Variants in MINK1 observed in about 807,000 individuals in gnomAD.
MINK1 encodes misshapen like kinase 1, also known as misshapen-like kinase 1.
MINK1 carries 46 observed loss-of-function variants against 178.4 expected under a neutral mutation model. That is an observed-to-expected ratio of 0.26 (90% CI 0.20 to 0.33). MINK1 has a LOEUF of 0.33. Among genes scored for constraint, MINK1 ranks in the 10% least tolerant of loss-of-function variants. The pLI, the probability that MINK1 is intolerant of heterozygous loss-of-function variation, is 1.00. For synonymous variants in MINK1, 797 were observed against 709.7 expected, an observed-to-expected ratio of 1.12 and a Z score of -1.96; for missense variants, 1,366 against 1,814.9, an observed-to-expected ratio of 0.75 and a Z score of 4.49.
chr17:4,893,601 CGG>C lies in MINK1; in HGVS notation c.2564+5_2564+6del. On this transcript the variant is annotated splice_donor_5th_base_variant and intron_variant, in intron 21 of 31. Transcript: ENST00000355280. The stretch of plus-strand genomic sequence containing the variant: ...GCAGAGATACCCCTGGGGGCCGGTA[CGG>C]CATCGGGAGTGGGGCCCTCCCACTC... 6.6e-7 allele frequency: 1 copy of C among 1,525,362 alleles called. No homozygotes were observed. Among genetic ancestry groups the C allele is most frequent in the Non-Finnish European group, 8.8e-7 (1 of 1,134,126 alleles). 94.5% of individuals were successfully genotyped at this position (1,525,362 alleles called of 1,614,324 possible).
At chr17:4,845,680 G>T (rs953106508) in intron 1 of MINK1, among the ~76,000 whole-genome samples, 1 of 151,578 alleles carries the variant, frequency 6.6e-6, no homozygotes, top group Non-Finnish European at 1.5e-5. Flanking sequence ...CTGTCACCCA[G>T]GCTGGAGTGC....
Position 4,836,096 on chromosome 17 carries a change from C to T in MINK1, c.57+2456C>T, listed in dbSNP as rs1333428411. On this transcript the variant is annotated intron_variant, in intron 1 of 31. Coordinates refer to ENST00000355280, the MANE Select transcript of MINK1 (RefSeq NM_153827.5). This position sits in a 1 kb window ranked among gnomAD's most constrained non-coding sequence, Gnocchi z 4.3. ...CCACCTCAGAGAGCTGTGGCACTGT[C>T]AAGCAGCTAGTGTGGTCATCTCTTG... Among the ~76,000 whole-genome samples, 1 of 152,182 alleles carries T rather than the reference C, an allele frequency of 6.6e-6. No homozygotes were observed. The highest frequency in any genetic ancestry group is 6.5e-5 in the Admixed American group (1 of 15,278).
intron 2 of MINK1, among the ~76,000 whole-genome samples, chr17:4,879,626 G>A (rs1967516180): frequency 6.6e-6 from 1 of 152,190 alleles, no homozygotes; most frequent in African/African-American, 2.4e-5. Flanking sequence ...CCTCCATCCT[G>A]CTCGTCCCCA....
intron 1 of MINK1, among the ~76,000 whole-genome samples, chr17:4,867,136 CTGTTTT>C (rs1915124996): frequency 1.4e-5 from 1 of 69,968 alleles, no homozygotes; most frequent in Non-Finnish European, 2.5e-5. Context: ...GCTCTTAGGA[CTGTTTT>C]TTTTTTTTTT....
At chr17:4,850,838 A>G (rs547528242) in intron 1 of MINK1, among the ~76,000 whole-genome samples, 1 of 152,278 alleles carries the variant, frequency 6.6e-6, no homozygotes, top group African/African-American at 2.4e-5. Context: ...ATTATTATCC[A>G]ACCCCTCATT....
chr17:4,850,252 A>G (rs556429748), intron 1 of MINK1, among the ~76,000 whole-genome samples: 1 of 152,302 alleles, frequency 6.6e-6, no homozygotes, highest in South Asian at 2.1e-4. Context: ...CTGGCTCACC[A>G]GGCCATAGAT....
At chr17:4,879,328 G>A (rs1967489670) in intron 2 of MINK1, among the ~76,000 whole-genome samples, 1 of 152,206 alleles carries the variant, frequency 6.6e-6, no homozygotes, top group Non-Finnish European at 1.5e-5. Context: ...CCTGGGGCCC[G>A]TGGCTTTTTC....
intron 1 of MINK1, among the ~76,000 whole-genome samples, chr17:4,858,479 ATT>A (rs35540481): frequency 5.0e-5 from 7 of 139,374 alleles, no homozygotes; most frequent in Non-Finnish European, 6.3e-5. Context: ...TTTAAATTTA[ATT>A]TTTTTTTTTT....
rs969469086 is a variant in MINK1 at position 4,892,964 on chromosome 17, C to T, written c.2312-15C>T. 3 of 1,548,790 alleles carry T rather than the reference C, an allele frequency of 1.9e-6. No individual in the cohort carries two copies. The highest frequency in any genetic ancestry group is 2.7e-5 in the African/African-American group (2 of 72,742). ...TGTTCAGGCATCAGTGACCTTCTTCCACCCTGCCGTCCAGTCTCCTCCAAA... is the reference window on the plus strand; with the variant it reads ...TGTTCAGGCATCAGTGACCTTCTTCTACCCTGCCGTCCAGTCTCCTCCAAA... On this transcript the variant is annotated splice_polypyrimidine_tract_variant and intron_variant, in intron 19 of 31. Coordinates refer to ENST00000355280, the MANE Select transcript of MINK1 (RefSeq NM_153827.5).
chr17:4,891,649 C>T lies in MINK1; in HGVS notation c.1934C>T (p.Ser645Phe). ...ATCCGCCAGAATTCAGACCCCACCT[C>T]TGAAGGACCTGGCCCCAGCCCGAAT... ...AVIRQNSDPT[S>F]EGPGPSPNPP... is the part of the protein sequence containing the mutation. The change falls in exon 16 of 32, where the codon TCT becomes TTT. Residue 645 changes from serine to phenylalanine, a missense_variant. Physicochemically the swap from Ser to Phe is radical, Grantham distance 155. Transcript: ENST00000355280. 6.2e-7 allele frequency: 1 copy of T among 1,600,548 alleles called. No homozygotes were observed. The highest frequency in any genetic ancestry group is 8.5e-7 in the Non-Finnish European group (1 of 1,174,388).
Position 4,886,966 on chromosome 17 carries a change from G to A in MINK1, c.950-144G>A. ...TCCAGGCCCACACCTGAGACCCGCT[G>A]TCCTCCCATTGCCCCCAGGAAGTGG... is the stretch of plus-strand genomic sequence containing the variant. On this transcript the variant is annotated intron_variant, in intron 10 of 31. Transcript: ENST00000355280. The surrounding 1 kb of genome is among the most constrained non-coding windows in gnomAD (Gnocchi z 6.1). The A allele has an allele frequency of 5.2e-6, 4 of 769,952 alleles. No homozygotes were observed. Among genetic ancestry groups the A allele is most frequent in the Non-Finnish European group, 8.5e-6 (4 of 470,712 alleles). The allele number at this position is 769,952 out of a possible 1,614,324, so 47.7% of individuals were successfully genotyped here. A position where few individuals can be genotyped will look rare whatever the true frequency, so the allele number is the denominator to read the frequency against.
chr17:4,897,345 CT>C lies in MINK1; in HGVS notation c.*60del. 3 of 1,513,288 alleles carry C rather than the reference CT, an allele frequency of 2.0e-6. No individual in the cohort carries two copies. The allele number at this position is 1,513,288 out of a possible 1,614,324, so 93.7% of individuals were successfully genotyped here. A position where few individuals can be genotyped will look rare whatever the true frequency, so the allele number is the denominator to read the frequency against. ...ACCCAGCTCTCCCCCTGCAGCCAGG[CT>C]TCCCGGGCCGCCCCTCTTTCCCCTC... On this transcript the variant is annotated 3_prime_UTR_variant, in exon 32 of 32. Coordinates refer to ENST00000355280, the MANE Select transcript of MINK1 (RefSeq NM_153827.5).
At chr17:4,871,180 AATT>A in intron 1 of MINK1, 4 of 168,126 alleles carry the variant, frequency 2.4e-5, no homozygotes, top group Admixed American at 7.0e-5. Flanking sequence ...TGTTTGTTTT[AATT>A]TTTTTTTTTT....
At chr17:4,864,857 G>T (rs932088160) in intron 1 of MINK1, among the ~76,000 whole-genome samples, 1 of 152,158 alleles carries the variant, frequency 6.6e-6, no homozygotes, top group African/African-American at 2.4e-5. Context: ...GTTTAGAGGA[G>T]GGTACTGGAA....
At chr17:4,874,670 G>A (rs1239982053) in intron 1 of MINK1, among the ~76,000 whole-genome samples, 1 of 152,114 alleles carries the variant, frequency 6.6e-6, no homozygotes, top group Non-Finnish European at 1.5e-5. Context: ...GTGGGAAAGC[G>A]GTGCTGCTAT....
chr17:4,880,995 C>T lies in MINK1; in HGVS notation c.135C>T (p.Val45=). Residue 45 remains valine (V), a synonymous_variant, in exon 3 of 32, where the codon GTC becomes GTT. Coordinates refer to ENST00000355280, the MANE Select transcript of MINK1 (RefSeq NM_153827.5). ...TYGQVYKGRH[V]KTGQLAAIKV... Reference sequence around the variant, plus strand: ...CCTCTGTCCCGCAGGGTCGGCATGTCAAGACGGGGCAGCTGGCTGCCATCA... The same window carrying T: ...CCTCTGTCCCGCAGGGTCGGCATGTTAAGACGGGGCAGCTGGCTGCCATCA... 6.6e-7 allele frequency: 1 copy of T among 1,519,744 alleles called. No individual in the cohort carries two copies. 94.1% of individuals were successfully genotyped at this position (1,519,744 alleles called of 1,614,324 possible). A position where few individuals can be genotyped will look rare whatever the true frequency, so the allele number is the denominator to read the frequency against.
chr17:4,884,102 G>A (rs1247569482), intron 4 of MINK1, among the ~76,000 whole-genome samples: 1 of 147,624 alleles, frequency 6.8e-6, no homozygotes, highest in East Asian at 2.0e-4. Flanking sequence ...CCTGACCTCA[G>A]GTGATCCGCC....
At chr17:4,891,902 G>T (rs915599140) in intron 16 of MINK1, among the ~76,000 whole-genome samples, 186 bp downstream of exon 16, 1 of 152,190 alleles carries the variant, frequency 6.6e-6, no homozygotes, top group African/African-American at 2.4e-5. Context: ...ATCGATCCCT[G>T]TGGGGAGCGT....
At position 4,890,616 on chromosome 17, in the gene MINK1, C is replaced by CAACAGCAGCAGCAGCTTCAGA. The variant is rs1411603288; in HGVS notation, c.1463_1483dup (p.Leu488_Gln494dup). ...CTACCTCAAGTCCCTGCAGCAGCAG[C>CAACAGCAGCAGCAGCTTCAGA]AACAGCAGCAGCAGCTTCAGAAACA... On this transcript the variant is annotated inframe_insertion, in exon 14 of 32. Coordinates refer to ENST00000355280, the MANE Select transcript of MINK1 (RefSeq NM_153827.5). 2.1e-5 allele frequency: 33 copies of CAACAGCAGCAGCAGCTTCAGA among 1,559,250 alleles called. No homozygotes were observed. Among genetic ancestry groups the CAACAGCAGCAGCAGCTTCAGA allele is most frequent in the Middle Eastern group, 1.7e-4 (1 of 6,008 alleles).
Sources: gnomAD v4.1 joint callset for allele counts (sites outside exome capture counted in the v4.1 genomes callset) on GRCh38, gnomAD v4.1.1 for gene constraint, Gnocchi (gnomAD v3.1) non-coding constraint, MANE v1.5 for transcripts, NCBI Gene and HGNC (gene_info 2026-07-23, HGNC 2026-07-21) for gene names.